The following IL4R variants were observed in gnomAD, a reference collection of about 807,000 sequenced individuals.
IL4R encodes interleukin 4 receptor.
Under a neutral mutation model 41.5 loss-of-function variants are expected in IL4R, and 17 were observed. The observed-to-expected ratio is 0.41, with a 90% CI of 0.28 to 0.61. The LOEUF is 0.61. Ranked by LOEUF, IL4R falls within the 20% of genes least tolerant of loss-of-function variation. The pLI is 0.31. For synonymous variants in IL4R, 402 were observed against 422.9 expected (o/e 0.95, Z 0.61); for missense variants, 974 against 1,043.1 (o/e 0.93, Z 0.91).
At chr16:27,355,078 G>A in intron 7 of IL4R, 1 of 444,060 alleles carries the variant, frequency 2.3e-6, no homozygotes, top group Non-Finnish European at 4.9e-6. Flanking sequence ...TGGGGAATCG[G>A]CGATGAACAA....
rs1056778209 is a variant in IL4R at position 27,361,735 on chromosome 16, G to T, written c.900-517G>T. Among the ~76,000 whole-genome samples the T allele has an allele frequency of 2.0e-5, 3 of 151,094 alleles. No homozygotes were observed. In the East Asian group the frequency reaches 5.9e-4, roughly 30 times the overall value. On this transcript the variant is annotated intron_variant, in intron 10 of 10. Coordinates refer to ENST00000395762, the MANE Select transcript of IL4R (RefSeq NM_000418.4). ...TTCTCTAGCCTCAGCCTTCTAAGTA[G>T]CTGGGACTACAGTCATACACCAACA...
At chr16:27,339,746 C>T (rs1182778001) in intron 2 of IL4R, among the ~76,000 whole-genome samples, 4 of 151,876 alleles carry the variant, frequency 2.6e-5, no homozygotes, top group East Asian at 3.9e-4. Context: ...GACCTGTTGT[C>T]GGCAGAGACA....
Position 27,362,282 on chromosome 16 carries a change from G to A in IL4R, c.930G>A (p.Leu310=), listed in dbSNP as rs759995800. 1 of 1,614,148 alleles carries A rather than the reference G, an allele frequency of 6.2e-7. No homozygotes were observed. The highest frequency in any genetic ancestry group is 8.5e-7 in the Non-Finnish European group (1 of 1,180,002). Residue 310 remains leucine, a synonymous_variant, in exon 11 of 11, where the codon TTG becomes TTA. Coordinates refer to ENST00000395762, the MANE Select transcript of IL4R (RefSeq NM_000418.4). ...PHWKNCLTKL[L]PCFLEHNMKR... ...GGAAGAATTGTCTTACCAAGCTCTTGCCCTGTTTTCTGGAGCACAACATGA... is the reference window on the plus strand; with the variant it reads ...GGAAGAATTGTCTTACCAAGCTCTTACCCTGTTTTCTGGAGCACAACATGA...
Position 27,346,124 on chromosome 16 carries a change from C to T in IL4R, c.362-343C>T, listed in dbSNP as rs1596828778. Among the ~76,000 whole-genome samples, 3 of 152,096 alleles carry T rather than the reference C, an allele frequency of 2.0e-5. No individual in the cohort carries two copies. The South Asian group carries it at 6.2e-4, about 31-fold the overall frequency. ...CTGGAATCCCAGCACTTTGGGAGCCCAGCGCAGGCAGATCACTTGAGCCCT... is the reference window on the plus strand; with the variant it reads ...CTGGAATCCCAGCACTTTGGGAGCCTAGCGCAGGCAGATCACTTGAGCCCT... On this transcript the variant is annotated intron_variant, in intron 5 of 10. Transcript: ENST00000395762.
intron 4 of IL4R, among the ~76,000 whole-genome samples, chr16:27,343,040 C>T (rs3024547): frequency 0.16 from 24,182 of 152,144 alleles, 2,293 homozygotes; most frequent in African/African-American, 0.25. Context: ...AGAGTGGAGT[C>T]CTCTGTGATG....
chr16:27,359,388 C>T (rs867713746), intron 9 of IL4R, among the ~76,000 whole-genome samples: 19 of 152,116 alleles, frequency 1.2e-4, no homozygotes, highest in African/African-American at 4.6e-4. Flanking sequence ...AAACTGCCCC[C>T]GAAGCACTAG....
intron 8 of IL4R, among the ~76,000 whole-genome samples, chr16:27,357,254 C>G (rs1421283803): frequency 6.6e-6 from 1 of 152,080 alleles, no homozygotes; most frequent in Admixed American, 6.6e-5. Flanking sequence ...ATGCCAGCCT[C>G]TTTGCTGTTC....
intron 7 of IL4R, among the ~76,000 whole-genome samples, chr16:27,354,398 CGA>C (rs1567330181): frequency 2.0e-5 from 3 of 152,194 alleles, no homozygotes; most frequent in Non-Finnish European, 2.9e-5. Context: ...AAGGCTGCTA[CGA>C]GAGAGTGTAC....
In IL4R at chr16:27,363,397, CG is replaced by C. The variant is rs1201023196; in HGVS notation, c.2050del (p.Glu684LysfsTer3). On this transcript the variant is annotated frameshift_variant, in exon 11 of 11. Coordinates refer to ENST00000395762, the MANE Select transcript of IL4R (RefSeq NM_000418.4). LOFTEE classifies it low-confidence loss of function (END_TRUNC). ...TCCCCAGAGCACCTGGGTCTGGAGCCGGGGGAAAAGGTAGAGGACATGCCAA... is the reference window on the plus strand; with the variant it reads ...TCCCCAGAGCACCTGGGTCTGGAGCCGGGGAAAAGGTAGAGGACATGCCAA... The part of the protein sequence containing the change: ...SSSPEHLGLE[P>X]GEKVEDMPKP... 1 of 1,613,972 alleles carries C rather than the reference CG, an allele frequency of 6.2e-7. No individual in the cohort carries two copies. The highest frequency in any genetic ancestry group is 8.5e-7 in the Non-Finnish European group (1 of 1,180,008).
In IL4R at chr16:27,340,251, C is replaced by T. The variant is rs1490083700; in HGVS notation, c.48C>T (p.Val16=). Residue 16 remains valine, a synonymous_variant, in exon 3 of 11, where the codon GTC becomes GTT. Transcript: ENST00000395762. ...SGLLFPVSCL[V]LLQVASSGNM... ...TCCTGTTCCCTGTGAGCTGCCTGGTCCTGCTGCAGGTGGCAAGCTCTGGTA... is the reference window on the plus strand; with the variant it reads ...TCCTGTTCCCTGTGAGCTGCCTGGTTCTGCTGCAGGTGGCAAGCTCTGGTA... 5.6e-6 allele frequency: 9 copies of T among 1,613,972 alleles called. No individual in the cohort carries two copies. Among genetic ancestry groups the T allele is most frequent in the Non-Finnish European group, 6.8e-6 (8 of 1,179,916 alleles).
chr16:27,321,069 G>T (rs1464259778), intron 1 of IL4R, among the ~76,000 whole-genome samples: 1 of 151,402 alleles, frequency 6.6e-6, no homozygotes, highest in African/African-American at 2.4e-5. Context: ...TCAACCTCCC[G>T]AGTAGCTGGG....
At chr16:27,348,080 C>T (rs2085719677) in intron 6 of IL4R, among the ~76,000 whole-genome samples, 1 of 152,374 alleles carries the variant, frequency 6.6e-6, no homozygotes. Context: ...AGGGAGCAGG[C>T]ACCCGCCACC....
intron 3 of IL4R, among the ~76,000 whole-genome samples, chr16:27,341,612 C>T (rs1372736236): frequency 3.9e-5 from 6 of 152,260 alleles, no homozygotes; most frequent in African/African-American, 1.4e-4. Flanking sequence ...CATCCATCTC[C>T]TCTCTCCCAT....
chr16:27,347,671 A>G (rs1476930387), intron 6 of IL4R, among the ~76,000 whole-genome samples: 1 of 152,066 alleles, frequency 6.6e-6, no homozygotes, highest in African/African-American at 2.4e-5. Flanking sequence ...CCCTGAATCC[A>G]CCTTCCTCAC....
At chr16:27,339,360 C>T (rs1285332260) in intron 2 of IL4R, among the ~76,000 whole-genome samples, 1 of 152,038 alleles carries the variant, frequency 6.6e-6, no homozygotes, top group Non-Finnish European at 1.5e-5. Flanking sequence ...TTTGTTATAG[C>T]AGCCTATATG....
chr16:27,337,276 A>G (rs1225220371), intron 2 of IL4R, among the ~76,000 whole-genome samples: 1 of 151,988 alleles, frequency 6.6e-6, no homozygotes, highest in East Asian at 1.9e-4. Flanking sequence ...GGTGGCCTTA[A>G]GTTCTTATGA....
chr16:27,320,719 T>A (rs962254478), intron 1 of IL4R, among the ~76,000 whole-genome samples: 1 of 152,208 alleles, frequency 6.6e-6, no homozygotes, highest in Non-Finnish European at 1.5e-5. Context: ...GCCTATGTTT[T>A]CCTGAAGCGG....
intron 1 of IL4R, among the ~76,000 whole-genome samples, chr16:27,325,837 T>C (rs1256859432): frequency 6.6e-6 from 1 of 152,078 alleles, no homozygotes; most frequent in African/African-American, 2.4e-5. Flanking sequence ...GAGCGCCTGC[T>C]AACAGCCTCC....
Position 27,342,109 on chromosome 16 carries a change from G to C in IL4R, c.71-12G>C. The C allele has an allele frequency of 1.9e-6, 3 of 1,613,620 alleles. No homozygotes were observed. Among genetic ancestry groups the C allele is most frequent in the Non-Finnish European group, 2.5e-6 (3 of 1,179,806 alleles). ...TTCCTGGGCCGCTCAGGCTGCTCCT[G>C]TGTCTCCCCAGGGAACATGAAGGTC... On this transcript the variant is annotated splice_polypyrimidine_tract_variant and intron_variant, in intron 3 of 10. Transcript: ENST00000395762.
Sources: gnomAD v4.1 joint callset for allele counts (sites outside exome capture counted in the v4.1 genomes callset) on GRCh38, gnomAD v4.1.1 for gene constraint, MANE v1.5 for transcripts, NCBI Gene and HGNC (gene_info 2026-07-23, HGNC 2026-07-21) for gene names.